Variants in MAP3K19 observed in about 807,000 individuals in gnomAD.
MAP3K19 encodes the protein SPS1/STE20-related protein kinase YSK4.
Under a neutral mutation model 114.4 loss-of-function variants are expected in MAP3K19, and 91 were observed. That is an observed-to-expected ratio of 0.80 (90% CI 0.67 to 0.95). The LOEUF (loss-of-function observed/expected upper bound fraction) is 0.95. Among genes scored for constraint, MAP3K19 ranks in the 40% least tolerant of loss-of-function variants. The pLI, the probability that MAP3K19 is intolerant of heterozygous loss-of-function variation, is 0.00. For missense variants in MAP3K19, 1,471 were observed against 1,573.2 expected (o/e 0.94, Z 1.10); for synonymous variants, 518 against 530.5 (o/e 0.98, Z 0.32).
At position 134,992,747 on chromosome 2, in the gene MAP3K19, G is replaced by A. The variant is rs1559159813; in HGVS notation, c.575-1167C>T. 4.0e-5 allele frequency among the ~76,000 whole-genome samples: 6 copies of A among 151,890 alleles called. No homozygotes were observed. The South Asian group carries it at 1.2e-3, about 32-fold the overall frequency. Reference sequence around the variant, plus strand: ...TATAGTGGCATGATCTCAGCTCGCTGCAACCTCCACCTCCTGGGTTCAAGC... The same window carrying A: ...TATAGTGGCATGATCTCAGCTCGCTACAACCTCCACCTCCTGGGTTCAAGC... On this transcript the variant is annotated intron_variant, in intron 8 of 12. Transcript: ENST00000392915.
intron 9 of MAP3K19, among the ~76,000 whole-genome samples, chr2:134,990,729 C>G (rs533145870): frequency 1.3e-5 from 2 of 152,252 alleles, no homozygotes; most frequent in East Asian, 3.9e-4. Flanking sequence ...CCCGCCTTGG[C>G]CTCCCAAAGT....
At chr2:135,026,512 T>C (rs1170233790) in intron 3 of MAP3K19, among the ~76,000 whole-genome samples, 6 of 152,070 alleles carry the variant, frequency 3.9e-5, no homozygotes, top group Non-Finnish European at 2.9e-5. Flanking sequence ...CCTTTTTTTT[T>C]CAAAACAAAA....
chr2:134,988,354 A>G (rs779210699), intron 9 of MAP3K19, 101 bp from the exon 10 acceptor site: 9 of 972,070 alleles, frequency 9.3e-6, no homozygotes, highest in Non-Finnish European at 1.3e-5. Context: ...CCTCTTAAGG[A>G]AGGCTTTTAA....
intron 5 of MAP3K19, among the ~76,000 whole-genome samples, chr2:135,012,199 T>C (rs961041527): frequency 1.3e-5 from 2 of 152,094 alleles, no homozygotes; most frequent in African/African-American, 4.8e-5. Context: ...GGGGCTGTCG[T>C]GTGTCTGATA....
chr2:135,002,399 T>C (rs1255480790), intron 6 of MAP3K19, among the ~76,000 whole-genome samples: 1 of 150,816 alleles, frequency 6.6e-6, no homozygotes, highest in African/African-American at 2.5e-5. Flanking sequence ...AAAGCCTTAC[T>C]TTCCTGTTTG....
At chr2:135,025,162 T>A (rs1688203466) in intron 3 of MAP3K19, among the ~76,000 whole-genome samples, 1 of 152,018 alleles carries the variant, frequency 6.6e-6, no homozygotes, top group Admixed American at 6.5e-5. Flanking sequence ...CTCACTTGAT[T>A]TTTTTCTTTT....
rs536629137 is a variant in MAP3K19, at chr2:134,999,537, G to A, written c.314+400C>T. Reference sequence around the variant, plus strand: ...TGCAACTTTTTTAATGGTCACCCTCGCAGCCTGTCCTGACCTCATCATGGA... The same window carrying A: ...TGCAACTTTTTTAATGGTCACCCTCACAGCCTGTCCTGACCTCATCATGGA... On this transcript the variant is annotated intron_variant, in intron 7 of 12. Transcript: ENST00000392915. This position sits in a 1 kb window ranked among gnomAD's most constrained non-coding sequence, Gnocchi z 4.1. 5.3e-5 allele frequency among the ~76,000 whole-genome samples: 8 copies of A among 152,180 alleles called. No individual in the cohort carries two copies. The South Asian group carries it at 8.3e-4, about 16-fold the overall frequency.
Position 134,986,571 on chromosome 2 carries a change from C to T in MAP3K19, c.2301G>A (p.Trp767Ter). 6.2e-7 allele frequency: 1 copy of T among 1,614,154 alleles called. No homozygotes were observed. Among genetic ancestry groups the T allele is most frequent in the Non-Finnish European group, 8.5e-7 (1 of 1,180,024 alleles). Residue 767 changes from tryptophan (W) to a stop codon, truncating the protein, a stop_gained, in exon 10 of 13, where the codon TGG becomes TGA. Coordinates refer to ENST00000392915, the MANE Select transcript of MAP3K19 (RefSeq NM_025052.5). LOFTEE classifies it high-confidence loss of function. ...ENGDGISEPD[W>*]QIKSSGNEFL... ...ACTCATTTCCTGAAGACTTTATCTG[C>T]CAGTCTGGTTCTGAAATACCATCAC...
chr2:134,980,704 T>G, intron 12 of MAP3K19, 117 bp downstream of exon 12: 1 of 865,464 alleles, frequency 1.2e-6, no homozygotes. Flanking sequence ...AAAATCACTG[T>G]CTACTTGACT....
intron 9 of MAP3K19, among the ~76,000 whole-genome samples, chr2:134,989,569 A>G (rs1457813108): frequency 1.3e-5 from 2 of 152,206 alleles, no homozygotes; most frequent in Non-Finnish European, 2.9e-5. Context: ...AGCCATTACA[A>G]TTTTTTAGGT....
chr2:134,997,817 C>CAAA (rs1187957592), intron 8 of MAP3K19, among the ~76,000 whole-genome samples: 4 of 91,010 alleles, frequency 4.4e-5, no homozygotes, highest in East Asian at 5.8e-4. Flanking sequence ...GACTCCGTCT[C>CAAA]AAAAAAAAAA....
At chr2:135,039,811 A>G (rs974107967) in intron 2 of MAP3K19, among the ~76,000 whole-genome samples, 1 of 152,164 alleles carries the variant, frequency 6.6e-6, no homozygotes, top group Admixed American at 6.5e-5. Flanking sequence ...ACAATGATAT[A>G]ACTGATGAAT....
chr2:135,012,190 G>A (rs1687279596), intron 5 of MAP3K19, among the ~76,000 whole-genome samples: 1 of 152,074 alleles, frequency 6.6e-6, no homozygotes. Context: ...TTGGCTGTGG[G>A]GGCTGTCGTG....
At chr2:134,991,764 C>T (rs1233477089) in intron 8 of MAP3K19, among the ~76,000 whole-genome samples, 184 bp from the exon 9 acceptor site, 1 of 152,190 alleles carries the variant, frequency 6.6e-6, no homozygotes, top group Non-Finnish European at 1.5e-5. Context: ...AGGCTGCTGC[C>T]ACTAGCAGGG....
intron 8 of MAP3K19, among the ~76,000 whole-genome samples, chr2:134,997,820 A>AAAAAAAAAACAAAAAC (rs1553542180): frequency 2.0e-5 from 3 of 148,418 alleles, no homozygotes; most frequent in Admixed American, 6.7e-5. Context: ...TCCGTCTCAA[A>AAAAAAAAAACAAAAAC]AAAAAAAAAA....
intron 3 of MAP3K19, among the ~76,000 whole-genome samples, chr2:135,027,556 G>A (rs982617874): frequency 2.0e-5 from 3 of 152,020 alleles, no homozygotes; most frequent in African/African-American, 4.8e-5. Flanking sequence ...TTAGGAGCTG[G>A]GACAGAACTT....
intron 4 of MAP3K19, 55 bp downstream of exon 4, chr2:135,024,571 A>C (rs1307596698): frequency 2.7e-6 from 4 of 1,497,454 alleles, no homozygotes; most frequent in Non-Finnish European, 3.7e-6. Context: ...AAAGAAAGAG[A>C]TCTAACAGGA....
intron 5 of MAP3K19, among the ~76,000 whole-genome samples, chr2:135,005,770 G>A (rs1264842246): frequency 6.6e-6 from 1 of 152,090 alleles, no homozygotes; most frequent in Admixed American, 6.5e-5. Context: ...AAATCACATC[G>A]ACACATAGAA....
intron 1 of MAP3K19, among the ~76,000 whole-genome samples, chr2:135,046,442 A>G (rs541015400): frequency 6.6e-6 from 1 of 152,102 alleles, no homozygotes; most frequent in East Asian, 1.9e-4. Flanking sequence ...CTTGCCGGCT[A>G]ATTTTTGTAT....
Sources: gnomAD v4.1 joint callset for allele counts (sites outside exome capture counted in the v4.1 genomes callset) on GRCh38, gnomAD v4.1.1 for gene constraint, Gnocchi (gnomAD v3.1) non-coding constraint, MANE v1.5 for transcripts, NCBI Gene and HGNC (gene_info 2026-07-23, HGNC 2026-07-21) for gene names.